Variants in GNAL observed in about 807,000 individuals in gnomAD.
GNAL encodes the protein guanine nucleotide-binding protein G(olf) subunit alpha.
In GNAL, 18 loss-of-function variants were observed where a neutral mutation model predicts 55.1. The observed-to-expected ratio is 0.33, with a 90% confidence interval of 0.23 to 0.48. The LOEUF is 0.48. Among genes scored for constraint, GNAL ranks in the 20% least tolerant of loss-of-function variants. GNAL has a pLI of 0.99. For missense variants in GNAL, 412 were observed against 614.1 expected, an observed-to-expected ratio of 0.67 and a Z score of 3.48; for synonymous variants, 253 against 237.0, an observed-to-expected ratio of 1.07 and a Z score of -0.62.
At chr18:11,708,906 A>G (rs1042634048) in intron 1 of GNAL, among the ~76,000 whole-genome samples, 2 of 152,196 alleles carry the variant, frequency 1.3e-5, no homozygotes, top group African/African-American at 2.4e-5. Flanking sequence ...CTTTTTTCCT[A>G]TATTTTCGTT....
rs773475808 is a variant in GNAL, at chr18:11,881,088, C to T, written c.1330C>T (p.Arg444Cys). 5.0e-6 allele frequency: 8 copies of T among 1,613,186 alleles called. No homozygotes were observed. Among genetic ancestry groups the T allele is most frequent in the Admixed American group, 1.7e-5 (1 of 59,902 alleles). ...ENIRRVFNDCRDIIQRMHLKQ... is the reference protein window; with the variant it reads ...ENIRRVFNDCCDIIQRMHLKQ... The stretch of plus-strand genomic sequence containing the variant: ...CATCCGCAGGGTGTTCAACGACTGC[C>T]GCGACATCATCCAGCGGATGCACCT... Residue 444 changes from arginine (R) to cysteine (C), a missense_variant, in exon 12 of 12, where the codon CGC (arginine) becomes TGC (cysteine). Physicochemically the swap from Arg to Cys is radical, Grantham distance 180. Coordinates refer to ENST00000334049, the MANE Select transcript of GNAL (RefSeq NM_182978.4). The surrounding 1 kb of genome is among the most constrained non-coding windows in gnomAD (Gnocchi z 4.8).
chr18:11,865,294 C>G, intron 7 of GNAL, among the ~76,000 whole-genome samples: 1 of 149,560 alleles, frequency 6.7e-6, no homozygotes, highest in East Asian at 1.9e-4. Flanking sequence ...TGACCAGCCC[C>G]GTCCCCAGGC....
Position 11,742,783 on chromosome 18 carries a change from G to C in GNAL, c.377-10070G>C, listed in dbSNP as rs9955658. On this transcript the variant is annotated intron_variant, in intron 1 of 11. Coordinates refer to ENST00000334049, the MANE Select transcript of GNAL (RefSeq NM_182978.4). ...GCCGCTCCCATGATGAAGCTTTGCG[G>C]GATTCCAAGGACCCTCACACACCCC... 9.0e-3 allele frequency among the ~76,000 whole-genome samples: 1,373 copies of C among 152,308 alleles called. 20 individuals carry two copies. The highest frequency in any genetic ancestry group is 0.031 in the African/African-American group (1,308 of 41,570).
At chr18:11,695,917 C>T (rs1323796839) in intron 1 of GNAL, among the ~76,000 whole-genome samples, 1 of 148,904 alleles carries the variant, frequency 6.7e-6, no homozygotes, top group Admixed American at 6.6e-5. Flanking sequence ...CATGCATGCA[C>T]GCATGCACAC....
chr18:11,782,424 C>A lies in GNAL; in HGVS notation c.624+28479C>A, dbSNP rs77027653. 6.3e-3 allele frequency among the ~76,000 whole-genome samples: 960 copies of A among 152,300 alleles called. 6 individuals are homozygous for A. The highest frequency in any genetic ancestry group is 0.022 in the African/African-American group (912 of 41,544). On this transcript the variant is annotated intron_variant, in intron 4 of 11. Coordinates refer to ENST00000334049, the MANE Select transcript of GNAL (RefSeq NM_182978.4). ...GAAGAACTCAAGTGTTAAAAGATTA[C>A]ATATAATCCTCTTTTGTTTGTAAGG...
chr18:11,850,825 G>A (rs1282111234), intron 5 of GNAL, among the ~76,000 whole-genome samples: 1 of 152,182 alleles, frequency 6.6e-6, no homozygotes, highest in Non-Finnish European at 1.5e-5. Context: ...CAGTTTTGAA[G>A]ATTATTTTCA....
chr18:11,703,425 T>C, intron 1 of GNAL, among the ~76,000 whole-genome samples: 1 of 152,228 alleles, frequency 6.6e-6, no homozygotes, highest in East Asian at 1.9e-4. Flanking sequence ...AGGTTTTCAT[T>C]GTACAAAGAA....
chr18:11,753,282 A>G (rs966703739), intron 2 of GNAL, among the ~76,000 whole-genome samples: 2 of 152,142 alleles, frequency 1.3e-5, no homozygotes, highest in Admixed American at 6.5e-5. Flanking sequence ...CATATTATCC[A>G]TGGGATAGAT....
At chr18:11,807,979 C>T (rs1489800080) in intron 4 of GNAL, among the ~76,000 whole-genome samples, 1 of 151,794 alleles carries the variant, frequency 6.6e-6, no homozygotes, top group Non-Finnish European at 1.5e-5. Flanking sequence ...CATTGGTGAC[C>T]CTCATCACAC....
At chr18:11,731,439 G>A (rs1232501947) in intron 1 of GNAL, among the ~76,000 whole-genome samples, 1 of 152,204 alleles carries the variant, frequency 6.6e-6, no homozygotes, top group East Asian at 1.9e-4. Context: ...GTGAGCCACC[G>A]TGCCCGACTG....
At chr18:11,823,607 G>C (rs2035162404) in intron 4 of GNAL, among the ~76,000 whole-genome samples, 1 of 152,132 alleles carries the variant, frequency 6.6e-6, no homozygotes, top group Non-Finnish European at 1.5e-5. Context: ...CACAGTGCTT[G>C]GATCCACCTT....
At chr18:11,765,361 AT>A (rs2033372232) in intron 4 of GNAL, among the ~76,000 whole-genome samples, 1 of 152,256 alleles carries the variant, frequency 6.6e-6, no homozygotes, top group Non-Finnish European at 1.5e-5. Context: ...AAGTTATCAA[AT>A]TAGAGTAATT....
At chr18:11,786,352 G>A (rs998576793) in intron 4 of GNAL, among the ~76,000 whole-genome samples, 6 of 151,372 alleles carry the variant, frequency 4.0e-5, no homozygotes, top group African/African-American at 1.2e-4. Context: ...CATTTTAGAG[G>A]GTCAGATCTG....
At chr18:11,689,980 G>C (rs2031186127) in intron 1 of GNAL, 41 bp downstream of exon 1, 11 of 1,155,008 alleles carry the variant, frequency 9.5e-6, no homozygotes, top group Non-Finnish European at 1.2e-5. Flanking sequence ...CCCGGGGACA[G>C]CGCGCCGGGC....
Position 11,752,764 on chromosome 18 carries a change from GGGA to G in GNAL, c.377-82_377-80del, listed in dbSNP as rs138971855. The stretch of plus-strand genomic sequence containing the variant: ...CGCGTGTAGGAAATCCCCGTGCTGG[GGGA>G]GGAGGATTGCTCAGACCCGGCTAGT... On this transcript the variant is annotated intron_variant, in intron 1 of 11. Coordinates refer to ENST00000334049, the MANE Select transcript of GNAL (RefSeq NM_182978.4). The surrounding 1 kb of genome is among the most constrained non-coding windows in gnomAD (Gnocchi z 4.5). 0.036 allele frequency: 41,905 copies of G among 1,154,484 alleles called. 1,016 individuals are homozygous for G. Among genetic ancestry groups the G allele is most frequent in the African/African-American group, 0.1 (6,824 of 65,160 alleles). The allele number at this position is 1,154,484 out of a possible 1,614,324, so 71.5% of individuals were successfully genotyped here.
In GNAL at chr18:11,836,731, T is replaced by C. The variant is rs542123373; in HGVS notation, c.722+11716T>C. On this transcript the variant is annotated intron_variant, in intron 5 of 11. Coordinates refer to ENST00000334049, the MANE Select transcript of GNAL (RefSeq NM_182978.4). ...GATTTCAAATTTTAAACCTAAAGAT[T>C]ATGAGAGACTACTTTAGATTAAAAG... Among the ~76,000 whole-genome samples, 40 of 50,520 alleles carry C rather than the reference T, an allele frequency of 7.9e-4. No homozygotes were observed. In the South Asian group the frequency reaches 0.045, roughly 57 times the overall value. 33.1% of individuals were successfully genotyped at this position (50,520 alleles called of 152,430 possible). A position where few individuals can be genotyped will look rare whatever the true frequency, so the allele number is the denominator to read the frequency against.
intron 1 of GNAL, among the ~76,000 whole-genome samples, chr18:11,708,979 T>C (rs550042469): frequency 7.2e-5 from 11 of 152,350 alleles, no homozygotes; most frequent in African/African-American, 2.2e-4. Flanking sequence ...TTACTTTTTG[T>C]GTGTAGTGTA....
intron 5 of GNAL, among the ~76,000 whole-genome samples, chr18:11,826,810 C>T (rs189952233): frequency 1.3e-5 from 2 of 152,184 alleles, no homozygotes; most frequent in African/African-American, 4.8e-5. Flanking sequence ...GTGGAGGCAT[C>T]GAGCAGTCAG....
At chr18:11,778,077 C>T (rs1027926746) in intron 4 of GNAL, among the ~76,000 whole-genome samples, 6 of 152,142 alleles carry the variant, frequency 3.9e-5, no homozygotes, top group African/African-American at 1.4e-4. Flanking sequence ...GTTACCATGT[C>T]GCCTCCAGAC....
Sources: gnomAD v4.1 joint callset for allele counts (sites outside exome capture counted in the v4.1 genomes callset) on GRCh38, gnomAD v4.1.1 for gene constraint, Gnocchi (gnomAD v3.1) non-coding constraint, MANE v1.5 for transcripts, NCBI Gene and HGNC (gene_info 2026-07-23, HGNC 2026-07-21) for gene names.